SYCE2: variants seen among roughly 807,000 people sequenced by gnomAD.
SYCE2 encodes central element synaptonemal complex 1.
A neutral mutation model predicts 27.9 loss-of-function variants in SYCE2; 3 were observed. That is an observed-to-expected ratio of 0.11 (90% CI 0.05 to 0.28). The LOEUF (loss-of-function observed/expected upper bound fraction) is 0.28, where lower values mean the gene tolerates loss of function less well. SYCE2 is among the 10% of genes least tolerant of loss of function. The pLI is 1.00. For synonymous variants in SYCE2, 85 were observed against 100.7 expected (o/e 0.84, Z 0.93); for missense variants, 207 against 263.5 (o/e 0.79, Z 1.48).
At position 12,899,442 on chromosome 19, in the gene SYCE2, A is replaced by T. The variant is rs184847392; in HGVS notation, c.613-57T>A. 1.7e-4 allele frequency: 267 copies of T among 1,614,010 alleles called. 4 individuals carry two copies. In the East Asian group the frequency reaches 5.9e-3, roughly 35 times the overall value. On this transcript the variant is annotated intron_variant, in intron 5 of 5. Transcript: ENST00000293695. ...AAGTTGTGAGCTATGAAAACTCCAA[A>T]CCGACTCTGTATTAATCTTGTCCAG...
chr19:12,919,205 C>T (rs999553594), intron 1 of SYCE2, 38 bp downstream of exon 1: 2 of 1,608,602 alleles, frequency 1.2e-6, no homozygotes, highest in African/African-American at 2.7e-5. Context: ...TATCTGTCCG[C>T]CCGCCCCACG....
rs1785903350 is a variant in SYCE2, at chr19:12,904,897, T to G, written c.132-231A>C. On this transcript the variant is annotated intron_variant, in intron 2 of 5. Coordinates refer to ENST00000293695, the MANE Select transcript of SYCE2 (RefSeq NM_001105578.2). ...GCACGTGCCTGTAGTCCCAGCTACT[T>G]GGGAGGCTGAGGCAGGAGAATTGCT... The G allele has an allele frequency of 2.4e-5, 10 of 419,968 alleles. No individual in the cohort carries two copies. In the South Asian group the frequency reaches 2.4e-4, roughly 10 times the overall value. 26.0% of individuals were successfully genotyped at this position (419,968 alleles called of 1,614,324 possible).
intron 3 of SYCE2, among the ~76,000 whole-genome samples, chr19:12,901,568 T>C (rs1179034365): frequency 1.3e-5 from 2 of 152,056 alleles, no homozygotes; most frequent in Non-Finnish European, 2.9e-5. Flanking sequence ...TAAAACCCAG[T>C]GCAGTGACTG....
intron 3 of SYCE2, among the ~76,000 whole-genome samples, chr19:12,900,964 G>T (rs1300241177): frequency 5.3e-5 from 8 of 152,136 alleles, no homozygotes; most frequent in African/African-American, 1.9e-4. Context: ...CGGATCACGA[G>T]GTCAGGAGAT....
intron 2 of SYCE2, among the ~76,000 whole-genome samples, chr19:12,913,091 G>C (rs1176784788): frequency 6.6e-6 from 1 of 152,218 alleles, no homozygotes; most frequent in Non-Finnish European, 1.5e-5. Context: ...GAGAATGCAA[G>C]TCAGCCCAAC....
intron 2 of SYCE2, among the ~76,000 whole-genome samples, chr19:12,913,176 C>A (rs773142320): frequency 1.1e-4 from 17 of 152,322 alleles, no homozygotes; most frequent in Middle Eastern, 3.4e-3. Flanking sequence ...GCGCTGCGTT[C>A]ATCTATTATG....
intron 5 of SYCE2, 68 bp downstream of exon 5, chr19:12,899,936 T>C (rs1317429804): frequency 1.3e-6 from 2 of 1,592,906 alleles, no homozygotes; most frequent in South Asian, 2.2e-5. Context: ...TGGAGCAGAG[T>C]GAGGGAGAGG....
chr19:12,912,439 C>T (rs1971064861), intron 2 of SYCE2, among the ~76,000 whole-genome samples: 1 of 152,066 alleles, frequency 6.6e-6, no homozygotes, highest in African/African-American at 2.4e-5. Context: ...AACATCAGTC[C>T]CCTCCAGCGC....
chr19:12,899,170 G>T lies in SYCE2; in HGVS notation c.*171C>A. The T allele has an allele frequency of 4.7e-6, 3 of 639,980 alleles. No individual in the cohort carries two copies. The highest frequency in any genetic ancestry group is 1.9e-5 in the South Asian group (1 of 52,530). The allele number at this position is 639,980 out of a possible 1,614,324, so 39.6% of individuals were successfully genotyped here. ...CACGAAGCCTGGGCCTATGGCAGGG[G>T]CTGGACTTGCTACATTTTGGGAGTT... On this transcript the variant is annotated 3_prime_UTR_variant, in exon 6 of 6. Transcript: ENST00000293695.
chr19:12,900,077 T>C lies in SYCE2; in HGVS notation c.539A>G (p.Lys180Arg), dbSNP rs189554230. The C allele has an allele frequency of 1.2e-6, 2 of 1,613,572 alleles. No homozygotes were observed. Among genetic ancestry groups the C allele is most frequent in the Non-Finnish European group, 1.7e-6 (2 of 1,179,932 alleles). The change falls in exon 5 of 6, where the codon AAG becomes AGG. Residue 180 changes from lysine to arginine, a missense_variant. By Grantham distance (26) the Lys-to-Arg change is conservative (BLOSUM62 2). Transcript: ENST00000293695. The part of the protein sequence containing the change: ...LRWGPDHSRG[K>R]SPPRPGNSQP... Reference sequence around the variant, plus strand: ...TGAGTTGCCGGGACGTGGTGGGGACTTTCCCCTAGAGTGGTCTGGCCCCCA... The same window carrying C: ...TGAGTTGCCGGGACGTGGTGGGGACCTTCCCCTAGAGTGGTCTGGCCCCCA...
At chr19:12,901,551 C>A (rs1970839346) in intron 3 of SYCE2, among the ~76,000 whole-genome samples, 1 of 152,022 alleles carries the variant, frequency 6.6e-6, no homozygotes, top group Admixed American at 6.6e-5. Context: ...AGAAAAACAC[C>A]AAAAACTAAA....
At chr19:12,918,932 CAG>C (rs1971189813) in intron 1 of SYCE2, among the ~76,000 whole-genome samples, 1 of 143,608 alleles carries the variant, frequency 7.0e-6, no homozygotes, top group Non-Finnish European at 1.5e-5. Flanking sequence ...GACTGGGCGA[CAG>C]AGTGATACTT....
chr19:12,899,499 G>A lies in SYCE2; in HGVS notation c.613-114C>T, dbSNP rs778633875. ...ATGACATTCACGCCCTGATCCTTGG[G>A]AGAGCTATCACGGGAATCCAGGCGT... On this transcript the variant is annotated intron_variant, in intron 5 of 5. Coordinates refer to ENST00000293695, the MANE Select transcript of SYCE2 (RefSeq NM_001105578.2). The A allele has an allele frequency of 2.0e-5, 32 of 1,614,060 alleles. No homozygotes were observed. In the South Asian group the frequency reaches 3.4e-4, roughly 17 times the overall value.
chr19:12,909,063 T>G (rs1970996908), intron 2 of SYCE2, among the ~76,000 whole-genome samples: 1 of 152,218 alleles, frequency 6.6e-6, no homozygotes, highest in Non-Finnish European at 1.5e-5. Flanking sequence ...AAGTGTTCCT[T>G]GGCTGGATTA....
intron 2 of SYCE2, among the ~76,000 whole-genome samples, chr19:12,911,436 TTTTC>T (rs1568437685): frequency 6.6e-6 from 1 of 151,942 alleles, no homozygotes; most frequent in South Asian, 2.1e-4. Context: ...GTTTTTTTCT[TTTTC>T]TTTCTTTTTT....
intron 2 of SYCE2, among the ~76,000 whole-genome samples, chr19:12,917,676 T>TTTTTTTTTTTTA (rs1971161330): frequency 4.1e-5 from 6 of 146,694 alleles, no homozygotes; most frequent in East Asian, 4.0e-4. Context: ...TTTTTTTTTT[T>TTTTTTTTTTTTA]GAGACAGCGT....
rs376487828 is a variant in SYCE2 at position 12,899,637 on chromosome 19, G to T, written c.613-252C>A. 12 of 1,612,568 alleles carry T rather than the reference G, an allele frequency of 7.4e-6. No individual in the cohort carries two copies. The highest frequency in any genetic ancestry group is 1.3e-5 in the African/African-American group (1 of 74,896). ...CTGTGCTCTGAGCTTAGAAAGGGAG[G>T]TGGCGGATGGAGTGGGAAGTGAGAG... On this transcript the variant is annotated intron_variant, in intron 5 of 5. Coordinates refer to ENST00000293695, the MANE Select transcript of SYCE2 (RefSeq NM_001105578.2).
chr19:12,900,816 G>T, intron 3 of SYCE2, 168 bp from the exon 4 acceptor site: 1 of 633,598 alleles, frequency 1.6e-6, no homozygotes, highest in African/African-American at 1.8e-5. Flanking sequence ...GGCCAAGGTG[G>T]GTGGATTACT....
intron 2 of SYCE2, among the ~76,000 whole-genome samples, chr19:12,915,802 C>T (rs1319690010): frequency 6.6e-6 from 1 of 152,070 alleles, no homozygotes; most frequent in Non-Finnish European, 1.5e-5. Flanking sequence ...CCCCCGAATG[C>T]CACGAGCAGG....
Sources: gnomAD v4.1 joint callset for allele counts (sites outside exome capture counted in the v4.1 genomes callset) on GRCh38, gnomAD v4.1.1 for gene constraint, MANE v1.5 for transcripts, NCBI Gene and HGNC (gene_info 2026-07-23, HGNC 2026-07-21) for gene names.